Variants in COL19A1 observed in about 807,000 individuals in gnomAD.
COL19A1 encodes collagen type XIX alpha 1 chain, also known as collagen alpha-1(XIX) chain.
A neutral mutation model predicts 190.2 loss-of-function variants in COL19A1; 159 were observed. The observed-to-expected ratio is 0.84, with a 90% CI of 0.73 to 0.95. The LOEUF (loss-of-function observed/expected upper bound fraction) is 0.95, where lower values mean the gene tolerates loss of function less well. Ranked by LOEUF, COL19A1 falls within the 40% of genes least tolerant of loss-of-function variation. The pLI is 0.00. For synonymous variants in COL19A1, 509 were observed against 458.9 expected, an observed-to-expected ratio of 1.11 and a Z score of -1.39; for missense variants, 1,418 against 1,431.9, an observed-to-expected ratio of 0.99 and a Z score of 0.16.
intron 14 of COL19A1, among the ~76,000 whole-genome samples, chr6:70,040,358 G>A (rs1779575374): frequency 6.6e-6 from 1 of 152,134 alleles, no homozygotes. Flanking sequence ...ACAGACTGGA[G>A]TCCTAGAAAC....
intron 16 of COL19A1, among the ~76,000 whole-genome samples, chr6:70,105,066 G>C (rs952076846): frequency 6.6e-6 from 1 of 152,078 alleles, no homozygotes; most frequent in Admixed American, 6.6e-5. Context: ...CTTAAACTCA[G>C]CTATGGGTCT....
chr6:70,143,971 C>G (rs529666131), intron 23 of COL19A1, among the ~76,000 whole-genome samples: 42 of 152,194 alleles, frequency 2.8e-4, no homozygotes, highest in African/African-American at 9.1e-4. Flanking sequence ...GTGAGACGTT[C>G]GGTTCAATTC....
intron 11 of COL19A1, among the ~76,000 whole-genome samples, chr6:69,997,508 A>C (rs1448603685): frequency 1.3e-5 from 2 of 152,196 alleles, no homozygotes; most frequent in Non-Finnish European, 2.9e-5. Flanking sequence ...TTAAGTGAAA[A>C]TATGACAATT....
chr6:70,082,039 T>C (rs964804476), intron 15 of COL19A1, among the ~76,000 whole-genome samples: 5 of 152,208 alleles, frequency 3.3e-5, no homozygotes, highest in African/African-American at 1.2e-4. Flanking sequence ...GTTCTTGATA[T>C]TCTACATCAG....
At position 70,210,647 on chromosome 6, in the gene COL19A1, A is replaced by G. The variant is rs1768133986; in HGVS notation, c.*3373A>G. 1.3e-5 allele frequency among the ~76,000 whole-genome samples: 2 copies of G among 152,122 alleles called. No individual in the cohort carries two copies. Among genetic ancestry groups the G allele is most frequent in the Admixed American group, 1.3e-4 (2 of 15,258 alleles). Reference sequence around the variant, plus strand: ...CTGCAGTCTGTCTCATCTGTTGGGAACCTGTGATATACCTCCATTTGTCCA... The same window carrying G: ...CTGCAGTCTGTCTCATCTGTTGGGAGCCTGTGATATACCTCCATTTGTCCA... On this transcript the variant is annotated 3_prime_UTR_variant, in exon 51 of 51. Transcript: ENST00000620364.
chr6:70,143,297 C>G (rs545199334), intron 23 of COL19A1, among the ~76,000 whole-genome samples: 2 of 152,236 alleles, frequency 1.3e-5, no homozygotes, highest in African/African-American at 4.8e-5. Context: ...GGAGGAAGAT[C>G]GACAGATTGC....
intron 9 of COL19A1, among the ~76,000 whole-genome samples, chr6:69,947,321 TTA>T (rs1448632033): frequency 6.6e-6 from 1 of 151,880 alleles, no homozygotes; most frequent in Non-Finnish European, 1.5e-5. Context: ...TGATTGATTT[TTA>T]TGTTTTTCCT....
chr6:70,130,859 C>G (rs929196700), intron 18 of COL19A1, among the ~76,000 whole-genome samples: 3 of 152,126 alleles, frequency 2.0e-5, no homozygotes, highest in Non-Finnish European at 2.9e-5. Flanking sequence ...TCTGAAGACC[C>G]CTTTGGCAAA....
intron 48 of COL19A1, among the ~76,000 whole-genome samples, chr6:70,191,226 G>A (rs515597): frequency 0.12 from 17,635 of 152,060 alleles, 2,487 homozygotes; most frequent in African/African-American, 0.33. Context: ...GATTCATTAC[G>A]AGTTTTCAGT....
intron 4 of COL19A1, among the ~76,000 whole-genome samples, chr6:69,903,651 C>G (rs1770333237): frequency 6.6e-6 from 1 of 152,178 alleles, no homozygotes; most frequent in East Asian, 1.9e-4. Context: ...CAAGGAATAC[C>G]AGAGCTCAGC....
chr6:69,883,956 TAA>T (rs3838677), intron 2 of COL19A1, among the ~76,000 whole-genome samples: 3 of 151,218 alleles, frequency 2.0e-5, no homozygotes, highest in Admixed American at 2.0e-4. Flanking sequence ...GGAATAATAA[TAA>T]AAAAAAAGTG....
chr6:70,187,961 T>C, intron 46 of COL19A1, 114 bp from the exon 47 acceptor site: 1 of 1,236,654 alleles, frequency 8.1e-7, no homozygotes. Flanking sequence ...GAGTTTAAGT[T>C]ATTTATACAA....
intron 48 of COL19A1, among the ~76,000 whole-genome samples, chr6:70,196,720 G>T (rs534533953): frequency 1.8e-4 from 27 of 152,282 alleles, no homozygotes; most frequent in African/African-American, 6.5e-4. Context: ...TGTGTGTTTG[G>T]TTTATGCATG....
chr6:69,899,721 C>T (rs1249652009), intron 3 of COL19A1, among the ~76,000 whole-genome samples: 1 of 152,016 alleles, frequency 6.6e-6, no homozygotes, highest in Non-Finnish European at 1.5e-5. Context: ...TCCTTCTTTT[C>T]CTCCTCCTTC....
At chr6:70,203,122 T>C (rs901942516) in intron 49 of COL19A1, among the ~76,000 whole-genome samples, 55 of 152,188 alleles carry the variant, frequency 3.6e-4, no homozygotes, top group African/African-American at 1.3e-3. Context: ...CTAACAGACG[T>C]TATTCTTTCG....
chr6:69,889,727 T>A (rs1158391205), intron 2 of COL19A1, among the ~76,000 whole-genome samples: 2 of 152,014 alleles, frequency 1.3e-5, no homozygotes, highest in Non-Finnish European at 2.9e-5. Context: ...GCGCTCTGTG[T>A]CTAAAGGATT....
chr6:69,912,018 G>T (rs745329538), intron 4 of COL19A1, among the ~76,000 whole-genome samples: 1 of 152,168 alleles, frequency 6.6e-6, no homozygotes, highest in Non-Finnish European at 1.5e-5. Flanking sequence ...CCTCATAGTT[G>T]CCGGTGACAG....
At chr6:69,934,437 T>C (rs1194712768) in intron 7 of COL19A1, among the ~76,000 whole-genome samples, 1 of 151,972 alleles carries the variant, frequency 6.6e-6, no homozygotes, top group African/African-American at 2.4e-5. Context: ...TAAAGTAATA[T>C]AATGATATTT....
At chr6:70,174,908 A>G (rs1765714821) in intron 41 of COL19A1, among the ~76,000 whole-genome samples, 1 of 152,240 alleles carries the variant, frequency 6.6e-6, no homozygotes, top group South Asian at 2.1e-4. Flanking sequence ...GTTGGAACGC[A>G]TGAAATTGAG....
Sources: gnomAD v4.1 joint callset for allele counts (sites outside exome capture counted in the v4.1 genomes callset) on GRCh38, gnomAD v4.1.1 for gene constraint, MANE v1.5 for transcripts, NCBI Gene and HGNC (gene_info 2026-07-23, HGNC 2026-07-21) for gene names.